SCN9A: variants seen among roughly 807,000 people sequenced by gnomAD.
The protein encoded by SCN9A is sodium channel protein type 9 subunit alpha.
SCN9A carries 131 observed loss-of-function variants against 187.0 expected under a neutral mutation model. That is an observed-to-expected ratio of 0.70 (90% CI 0.61 to 0.81). SCN9A has a LOEUF of 0.81. SCN9A is among the 30% of genes least tolerant of loss of function. The probability of loss-of-function intolerance (pLI) is 0.00; values close to 1 mark genes in which losing one functional copy is unlikely to be tolerated. For missense variants in SCN9A, 2,252 were observed against 2,396.6 expected (o/e 0.94, Z 1.26); for synonymous variants, 809 against 808.6 (o/e 1.00, Z -0.01).
rs1208337010 is a variant in SCN9A at position 166,196,304 on chromosome 2, C to T, written c.*2368G>A. 1 of 151,712 alleles carries T rather than the reference C, an allele frequency of 6.6e-6. No homozygotes were observed. 9.4% of individuals were successfully genotyped at this position (151,712 alleles called of 1,614,324 possible). A position where few individuals can be genotyped will look rare whatever the true frequency, so the allele number is the denominator to read the frequency against. On this transcript the variant is annotated 3_prime_UTR_variant, in exon 27 of 27. Transcript: ENST00000642356. ...ATTATTTTTAATTGATAAAAAGTCA[C>T]AAGTAGACATTCCTGAAACAAACGT...
At chr2:166,335,801 T>C (rs1427140014) in intron 1 of SCN9A, among the ~76,000 whole-genome samples, 1 of 152,152 alleles carries the variant, frequency 6.6e-6, no homozygotes, top group Non-Finnish European at 1.5e-5. Flanking sequence ...GAGTTAATGA[T>C]AAATAATGAT....
At chr2:166,301,944 A>AT (rs1698572719) in intron 7 of SCN9A, 3 of 150,798 alleles carry the variant, frequency 2.0e-5, no homozygotes, top group Admixed American at 1.3e-4. Flanking sequence ...TAAGGCTTCT[A>AT]TTTTTTTCTG....
At position 166,285,716 on chromosome 2, in the gene SCN9A, C is replaced by T. The variant is rs148359819; in HGVS notation, c.1602+620G>A. ...TTGTGTGATGGAAAACAGGGAAGAC[C>T]TAAGGAAAACAGAAGCAATGGTTCA... On this transcript the variant is annotated intron_variant, in intron 11 of 26. Coordinates refer to ENST00000642356, the MANE Select transcript of SCN9A (RefSeq NM_001365536.1). Among the ~76,000 whole-genome samples, 324 of 152,070 alleles carry T rather than the reference C, an allele frequency of 2.1e-3. 1 individual carries two copies. The highest frequency in any genetic ancestry group is 6.6e-3 in the African/African-American group (273 of 41,460).
chr2:166,320,110 A>T (rs551103406), intron 1 of SCN9A, among the ~76,000 whole-genome samples: 51 of 152,294 alleles, frequency 3.3e-4, no homozygotes, highest in African/African-American at 1.2e-3. Flanking sequence ...AGACATAAGC[A>T]TATTATTTAG....
intron 20 of SCN9A, among the ~76,000 whole-genome samples, chr2:166,237,437 C>T (rs1695366180): frequency 6.6e-6 from 1 of 151,978 alleles, no homozygotes; most frequent in Non-Finnish European, 1.5e-5. Context: ...AAAATTATTA[C>T]ATTAATAATA....
chr2:166,352,675 T>C (rs779450397), intron 1 of SCN9A, among the ~76,000 whole-genome samples: 73 of 152,214 alleles, frequency 4.8e-4, no homozygotes, highest in Non-Finnish European at 9.3e-4. Context: ...CATTGTGGGA[T>C]ATTCTTCTAT....
In SCN9A at chr2:166,286,876, G is replaced by A. The variant is rs75096071; in HGVS notation, c.1315-253C>T. On this transcript the variant is annotated intron_variant, in intron 10 of 26. Coordinates refer to ENST00000642356, the MANE Select transcript of SCN9A (RefSeq NM_001365536.1). ...ATTACATGTTATTAATTTGCTTACAGTAAAGACAAATTAAATATTATATGT... is the reference window on the plus strand; with the variant it reads ...ATTACATGTTATTAATTTGCTTACAATAAAGACAAATTAAATATTATATGT... 7.2e-5 allele frequency among the ~76,000 whole-genome samples: 11 copies of A among 152,192 alleles called. No homozygotes were observed. In the East Asian group the frequency reaches 2.1e-3, roughly 29 times the overall value.
chr2:166,286,509 T>G lies in SCN9A; in HGVS notation c.1429A>C (p.Arg477=). The change falls in exon 11 of 27, where the codon AGA becomes CGA. Residue 477 remains arginine (R), a synonymous_variant. Transcript: ENST00000642356. ...TGATTCTTTTTCTTTCTTCTGTTTC[T>G]TCTTTCTTTAGCACTTTTAGAGCTC... The part of the protein sequence containing the change: ...KLSSKSAKER[R]NRRKKKNQKK... 6.2e-7 allele frequency: 1 copy of G among 1,613,610 alleles called. No homozygotes were observed. Among genetic ancestry groups the G allele is most frequent in the South Asian group, 1.1e-5 (1 of 91,004 alleles).
chr2:166,196,178 C>A lies in SCN9A; in HGVS notation c.*2494G>T, dbSNP rs1464800481. On this transcript the variant is annotated 3_prime_UTR_variant, in exon 27 of 27. Transcript: ENST00000642356. ...AAATTTAAATATTAATATGACAGTG[C>A]CTTCTGAAGGGTGAAACCATCAGTA... 1 of 151,976 alleles carries A rather than the reference C, an allele frequency of 6.6e-6. No homozygotes were observed. The highest frequency in any genetic ancestry group is 2.4e-5 in the African/African-American group (1 of 41,368). 9.4% of individuals were successfully genotyped at this position (151,976 alleles called of 1,614,324 possible).
intron 26 of SCN9A, among the ~76,000 whole-genome samples, chr2:166,201,966 G>A (rs1693558047): frequency 1.3e-5 from 2 of 151,412 alleles, no homozygotes; most frequent in South Asian, 2.1e-4. Flanking sequence ...TATCCTTATT[G>A]GTTGTTTTTA....
At chr2:166,322,244 C>A (rs576019908) in intron 1 of SCN9A, among the ~76,000 whole-genome samples, 19 of 152,162 alleles carry the variant, frequency 1.2e-4, no homozygotes, top group Admixed American at 9.8e-4. Flanking sequence ...CTTTAATATA[C>A]AGCTCGATTT....
intron 10 of SCN9A, among the ~76,000 whole-genome samples, chr2:166,287,435 T>C (rs1188461233): frequency 6.6e-6 from 1 of 152,142 alleles, no homozygotes; most frequent in Non-Finnish European, 1.5e-5. Flanking sequence ...TACTTTAAGA[T>C]ATACAATTTT....
At chr2:166,288,319 A>G (rs1697880942) in intron 10 of SCN9A, 118 bp downstream of exon 10, 1 of 727,946 alleles carries the variant, frequency 1.4e-6, no homozygotes, top group African/African-American at 1.8e-5. Context: ...TACAGTTTAT[A>G]CACAAAAATT....
Position 166,271,916 on chromosome 2 carries a change from C to T in SCN9A, c.3351+483G>A, listed in dbSNP as rs577212258. Among the ~76,000 whole-genome samples the T allele has an allele frequency of 3.9e-5, 6 of 152,018 alleles. No individual in the cohort carries two copies. In the South Asian group the frequency reaches 6.2e-4, roughly 16 times the overall value. Reference sequence around the variant, plus strand: ...AGCGATACTTTGCGGATCATGGATACATCATGAGAGTGAAATGATTAGGAC... The same window carrying T: ...AGCGATACTTTGCGGATCATGGATATATCATGAGAGTGAAATGATTAGGAC... On this transcript the variant is annotated intron_variant, in intron 17 of 26. Coordinates refer to ENST00000642356, the MANE Select transcript of SCN9A (RefSeq NM_001365536.1).
At chr2:166,224,375 C>T (rs549087559) in intron 24 of SCN9A, among the ~76,000 whole-genome samples, 1 of 152,096 alleles carries the variant, frequency 6.6e-6, no homozygotes, top group South Asian at 2.1e-4. Flanking sequence ...GCAATATTTA[C>T]TAAATTTTTG....
At chr2:166,253,348 G>T (rs1201743872) in intron 17 of SCN9A, among the ~76,000 whole-genome samples, 4 of 151,642 alleles carry the variant, frequency 2.6e-5, no homozygotes, top group Non-Finnish European at 4.4e-5. Context: ...CCAGGAGTTT[G>T]ATAACAGTTT....
intron 15 of SCN9A, 79 bp from the exon 16 acceptor site, chr2:166,277,418 G>A: frequency 2.2e-6 from 2 of 918,342 alleles, no homozygotes; most frequent in Non-Finnish European, 3.3e-6. Context: ...TTGTTCAAAG[G>A]GTAAAGCAGA....
intron 17 of SCN9A, among the ~76,000 whole-genome samples, chr2:166,268,603 C>A (rs1208762971): frequency 6.6e-6 from 1 of 151,626 alleles, no homozygotes; most frequent in Admixed American, 6.6e-5. Context: ...AATGGGAAAA[C>A]AAAACAAAAC....
intron 24 of SCN9A, among the ~76,000 whole-genome samples, chr2:166,210,212 A>C (rs1364919987): frequency 6.6e-6 from 1 of 152,144 alleles, no homozygotes; most frequent in Non-Finnish European, 1.5e-5. Context: ...CAAGGAAAAA[A>C]ACCAAACACT....
Sources: gnomAD v4.1 joint callset for allele counts (sites outside exome capture counted in the v4.1 genomes callset) on GRCh38, gnomAD v4.1.1 for gene constraint, MANE v1.5 for transcripts, NCBI Gene and HGNC (gene_info 2026-07-23, HGNC 2026-07-21) for gene names.